The following TTI2 variants were observed in gnomAD, a reference collection of about 807,000 sequenced individuals.
The protein encoded by TTI2 is TELO2 interacting protein 2, also known as TELO2-interacting protein 2.
Under a neutral mutation model 44.9 loss-of-function variants are expected in TTI2, and 26 were observed. The observed-to-expected ratio is 0.58, with a 90% CI of 0.42 to 0.80. The LOEUF (loss-of-function observed/expected upper bound fraction) is 0.80, where lower values mean the gene tolerates loss of function less well. TTI2 is among the 30% of genes least tolerant of loss of function. TTI2 has a pLI of 0.00. For synonymous variants in TTI2, 254 were observed against 250.9 expected (o/e 1.01, Z -0.12); for missense variants, 582 against 611.6 (o/e 0.95, Z 0.51).
chr8:33,511,659 G>A (rs1281610255), intron 2 of TTI2, among the ~76,000 whole-genome samples: 2 of 152,056 alleles, frequency 1.3e-5, no homozygotes, highest in Non-Finnish European at 1.5e-5. Flanking sequence ...AGCCCGAGGC[G>A]GGTGGATCAC....
At chr8:33,503,140 A>C (rs199606140) in intron 6 of TTI2, among the ~76,000 whole-genome samples, 72 of 145,586 alleles carry the variant, frequency 4.9e-4, no homozygotes, top group East Asian at 1.0e-3. Context: ...AAAAAAAAAA[A>C]AAAAAAAACA....
At position 33,512,423 on chromosome 8, in the gene TTI2, A is replaced by T; in HGVS notation, c.191T>A (p.Phe64Tyr). 1 of 1,614,006 alleles carries T rather than the reference A, an allele frequency of 6.2e-7. No homozygotes were observed. Among genetic ancestry groups the T allele is most frequent in the Non-Finnish European group, 8.5e-7 (1 of 1,179,934 alleles). ...DLGDLIEATEFDRLFEGTGAR... is the reference protein window; with the variant it reads ...DLGDLIEATEYDRLFEGTGAR... ...ACCAGTCCCCTCAAATAACCTATCA[A>T]ATTCTGTGGCTTCTATTAGATCACC... Residue 64 changes from phenylalanine (F) to tyrosine (Y), a missense_variant, in exon 2 of 8, where the codon TTT (phenylalanine) becomes TAT (tyrosine). Transcript: ENST00000431156.
At position 33,505,941 on chromosome 8, in the gene TTI2, C is replaced by A. The variant is rs189285570; in HGVS notation, c.927+1288G>T. ...GTGCTAGGATTACAGATGTGAGCAA[C>A]CATGCCCAGCAATTTTGCATTTTTA... On this transcript the variant is annotated intron_variant, in intron 4 of 7. Transcript: ENST00000431156. Among the ~76,000 whole-genome samples the A allele has an allele frequency of 3.3e-5, 5 of 152,274 alleles. No homozygotes were observed. The East Asian group carries it at 9.6e-4, about 29-fold the overall frequency.
intron 4 of TTI2, among the ~76,000 whole-genome samples, chr8:33,505,221 C>CA (rs1357787809): frequency 2.6e-5 from 4 of 151,566 alleles, no homozygotes; most frequent in African/African-American, 9.7e-5. Context: ...AGATCCACCT[C>CA]AAAAAAATAA....
At chr8:33,511,049 G>T (rs977824879) in intron 2 of TTI2, among the ~76,000 whole-genome samples, 4 of 152,020 alleles carry the variant, frequency 2.6e-5, no homozygotes, top group African/African-American at 9.7e-5. Context: ...CTAGTAATTT[G>T]TAATTTTTTT....
chr8:33,509,455 C>CA lies in TTI2; in HGVS notation c.834+290dup, dbSNP rs767485555. On this transcript the variant is annotated intron_variant, in intron 3 of 7. Transcript: ENST00000431156. The stretch of plus-strand genomic sequence containing the variant: ...TGGGTGATAGAGTGAGACTCCCTCT[C>CA]AAAAAAAAAAAAAAAAAAAAAGAAA... Among the ~76,000 whole-genome samples the CA allele has an allele frequency of 9.8e-3, 674 of 69,010 alleles. 15 individuals are homozygous for CA. The highest frequency in any genetic ancestry group is 0.032 in the African/African-American group (503 of 15,964). 45.3% of individuals were successfully genotyped at this position (69,010 alleles called of 152,430 possible).
chr8:33,500,752 G>A (rs8685), intron 6 of TTI2: 224,880 of 410,674 alleles, frequency 0.55, 62,304 homozygotes, highest in Non-Finnish European at 0.59. Flanking sequence ...TGGTTCTACT[G>A]TAAGCAACAG....
chr8:33,511,930 G>GAGGCTCAA (rs1809541845), intron 2 of TTI2, 37 bp downstream of exon 2: 1 of 1,604,372 alleles, frequency 6.2e-7, no homozygotes, highest in East Asian at 2.2e-5. Context: ...AAAAAACTGT[G>GAGGCTCAA]AGGCTCAAGT....
Position 33,512,603 on chromosome 8 carries a change from T to A in TTI2, c.11A>T (p.Asp4Val). Residue 4 changes from aspartate to valine, a missense_variant, in exon 2 of 8, where the codon GAC becomes GTC. Coordinates refer to ENST00000431156, the MANE Select transcript of TTI2 (RefSeq NM_001102401.4). MEL[D>V]SALEAPSQED... ...CTGCGATGGGGCTTCCAGAGCGCTGTCAAGCTCCATTCCTGACTGCAGCAC... is the reference window on the plus strand; with the variant it reads ...CTGCGATGGGGCTTCCAGAGCGCTGACAAGCTCCATTCCTGACTGCAGCAC... The A allele has an allele frequency of 6.2e-7, 1 of 1,613,144 alleles. No individual in the cohort carries two copies. The highest frequency in any genetic ancestry group is 8.5e-7 in the Non-Finnish European group (1 of 1,180,016).
intron 5 of TTI2, 36 bp downstream of exon 5, chr8:33,503,712 T>C (rs768984819): frequency 2.5e-6 from 4 of 1,611,310 alleles, no homozygotes; most frequent in Non-Finnish European, 3.4e-6. Context: ...ATCCTGTCTG[T>C]ATAAAATAAT....
chr8:33,500,293 A>T, intron 7 of TTI2, 35 bp downstream of exon 7: 1 of 1,612,976 alleles, frequency 6.2e-7, no homozygotes, highest in Non-Finnish European at 8.5e-7. Flanking sequence ...AAGGATAATG[A>T]GGCCCAACTG....
At chr8:33,511,321 G>C (rs1041274433) in intron 2 of TTI2, among the ~76,000 whole-genome samples, 1 of 152,146 alleles carries the variant, frequency 6.6e-6, no homozygotes, top group Middle Eastern at 3.4e-3. Flanking sequence ...GGGACTACAG[G>C]AGTGAGCCAC....
chr8:33,512,770 G>T (rs1416194049), intron 1 of TTI2, 58 bp from the exon 2 acceptor site: 58 of 843,736 alleles, frequency 6.9e-5, no homozygotes, highest in Non-Finnish European at 9.4e-5. Flanking sequence ...GAGTCTGACC[G>T]GGATAAGAAT....
At chr8:33,508,427 C>A (rs1271486397) in intron 3 of TTI2, among the ~76,000 whole-genome samples, 1 of 151,780 alleles carries the variant, frequency 6.6e-6, no homozygotes, top group African/African-American at 2.4e-5. Context: ...CATGGTGAGA[C>A]CCTACCTCTA....
Position 33,512,697 on chromosome 8 carries a change from G to T in TTI2, c.-84C>A. 1 of 1,489,006 alleles carries T rather than the reference G, an allele frequency of 6.7e-7. No individual in the cohort carries two copies. The highest frequency in any genetic ancestry group is 9.2e-7 in the Non-Finnish European group (1 of 1,089,916). The allele number at this position is 1,489,006 out of a possible 1,614,324, so 92.2% of individuals were successfully genotyped here. On this transcript the variant is annotated 5_prime_UTR_variant, in exon 2 of 8. Coordinates refer to ENST00000431156, the MANE Select transcript of TTI2 (RefSeq NM_001102401.4). ...GGGATCCGTTGAAGAGGGAAGGAGC[G>T]ATCACCCAAAGAGAACTAAAATCAA...
chr8:33,499,456 G>C, intron 7 of TTI2, 179 bp from the exon 8 acceptor site: 2 of 564,516 alleles, frequency 3.5e-6, no homozygotes, highest in South Asian at 4.2e-5. Flanking sequence ...AATTTATATA[G>C]CTCTCATGTA....
At chr8:33,510,589 C>G (rs1046155723) in intron 2 of TTI2, among the ~76,000 whole-genome samples, 1 of 152,152 alleles carries the variant, frequency 6.6e-6, no homozygotes, top group Non-Finnish European at 1.5e-5. Flanking sequence ...GTTGCCCAGG[C>G]TGGTCCTGAA....
chr8:33,502,457 ATTT>A (rs35823991), intron 6 of TTI2, among the ~76,000 whole-genome samples: 3 of 147,736 alleles, frequency 2.0e-5, no homozygotes, highest in African/African-American at 7.4e-5. Flanking sequence ...TGACCACAGA[ATTT>A]TTTTTTTTTT....
At chr8:33,509,610 G>A (rs1354449056) in intron 3 of TTI2, 136 bp downstream of exon 3, 2 of 823,844 alleles carry the variant, frequency 2.4e-6, no homozygotes, top group African/African-American at 3.4e-5. Context: ...ACTTCTACCA[G>A]GTGGATAGAG....
Sources: allele counts gnomAD v4.1 joint callset (sites outside exome capture counted in the v4.1 genomes callset), GRCh38; gene constraint gnomAD v4.1.1; transcripts MANE v1.5; gene names NCBI Gene and HGNC (gene_info 2026-07-23, HGNC 2026-07-21).